NOL4: variants seen among roughly 807,000 people sequenced by gnomAD.
The protein encoded by NOL4 is cancer/testis antigen 125.
A neutral mutation model predicts 75.9 loss-of-function variants in NOL4; 17 were observed. The observed-to-expected ratio is 0.22, with a 90% CI of 0.15 to 0.34. NOL4 has a LOEUF of 0.34. NOL4 is among the 10% of genes least tolerant of loss of function. The pLI, the probability that NOL4 is intolerant of heterozygous loss-of-function variation, is 1.00. For synonymous variants in NOL4, 292 were observed against 289.9 expected (o/e 1.01, Z -0.07); for missense variants, 614 against 793.5 (o/e 0.77, Z 2.72).
chr18:34,072,924 A>C (rs868754757), intron 5 of NOL4, among the ~76,000 whole-genome samples: 25 of 152,284 alleles, frequency 1.6e-4, no homozygotes, highest in Non-Finnish European at 3.2e-4. Context: ...GTATCAAAAC[A>C]TGTGTAAGGA....
chr18:34,213,285 TATTTA>T (rs1372599547), intron 1 of NOL4, among the ~76,000 whole-genome samples: 1 of 152,078 alleles, frequency 6.6e-6, no homozygotes, highest in African/African-American at 2.4e-5. Flanking sequence ...CTTATTTACT[TATTTA>T]TTTTTATTTT....
At chr18:34,136,550 AAATG>A (rs2080900409) in intron 1 of NOL4, among the ~76,000 whole-genome samples, 1 of 152,154 alleles carries the variant, frequency 6.6e-6, no homozygotes, top group Admixed American at 6.5e-5. Context: ...AACAATCTGA[AAATG>A]AAGGGGGAAA....
At chr18:34,190,107 C>T (rs1331933420) in intron 1 of NOL4, among the ~76,000 whole-genome samples, 1 of 151,228 alleles carries the variant, frequency 6.6e-6, no homozygotes, top group African/African-American at 2.4e-5. Context: ...TGTATTAGAT[C>T]TTTTGCATAT....
intron 6 of NOL4, among the ~76,000 whole-genome samples, chr18:33,975,644 G>A (rs1039502681): frequency 2.0e-5 from 3 of 152,096 alleles, no homozygotes; most frequent in Non-Finnish European, 4.4e-5. Context: ...GCATGGTGGC[G>A]GGTACCTGTA....
intron 2 of NOL4, chr18:34,128,843 A>C: frequency 1.0e-6 from 1 of 974,880 alleles, no homozygotes; most frequent in African/African-American, 1.7e-5. Context: ...TTTCAAACAT[A>C]GGTACCTGTA....
chr18:33,933,035 C>T lies in NOL4; in HGVS notation c.1542+10030G>A, dbSNP rs144438630. 2.4e-3 allele frequency among the ~76,000 whole-genome samples: 372 copies of T among 152,112 alleles called. 1 individual carries two copies. Among genetic ancestry groups the T allele is most frequent in the Middle Eastern group, 0.014 (4 of 294 alleles). On this transcript the variant is annotated intron_variant, in intron 9 of 10. Transcript: ENST00000261592. ...ATAGAACATAGTCCAAGAACTACCC[C>T]GATGGTCCAGACATACCTCAGAGAT...
At chr18:34,099,101 A>G (rs1445276587) in intron 4 of NOL4, among the ~76,000 whole-genome samples, 2 of 151,864 alleles carry the variant, frequency 1.3e-5, no homozygotes, top group African/African-American at 4.8e-5. Flanking sequence ...GCACCCTCAC[A>G]CCTGTAATCC....
chr18:34,117,365 T>C (rs1000352133), intron 2 of NOL4, among the ~76,000 whole-genome samples: 6 of 152,188 alleles, frequency 3.9e-5, no homozygotes, highest in Admixed American at 2.0e-4. Flanking sequence ...GTTATCAGTA[T>C]TGAAAAAAGA....
At chr18:33,938,902 G>A (rs1293380986) in intron 9 of NOL4, among the ~76,000 whole-genome samples, 4 of 152,034 alleles carry the variant, frequency 2.6e-5, no homozygotes, top group Non-Finnish European at 5.9e-5. Flanking sequence ...GGGTTTTTAT[G>A]GTTTTAGGTC....
At chr18:34,053,601 T>TTCCTAAGACCCTC (rs1428919858) in intron 5 of NOL4, among the ~76,000 whole-genome samples, 1 of 151,944 alleles carries the variant, frequency 6.6e-6, no homozygotes, top group Non-Finnish European at 1.5e-5. Context: ...ACCCTCTCTA[T>TTCCTAAGACCCTC]TATCACTCTA....
rs535339141 is a variant in NOL4 at position 34,020,915 on chromosome 18, A to C, written c.773-1314T>G. On this transcript the variant is annotated intron_variant, in intron 5 of 10. Transcript: ENST00000261592. ...TAAAAGCTAGTAGTGAAATCATATA[A>C]ATATGGCTGAGCAAAAGAAATATTA... Among the ~76,000 whole-genome samples, 73 of 152,342 alleles carry C rather than the reference A, an allele frequency of 4.8e-4. 1 individual carries two copies. In the South Asian group the frequency reaches 0.014, roughly 29 times the overall value.
chr18:33,892,862 T>A (rs1024439933), intron 9 of NOL4, among the ~76,000 whole-genome samples: 25 of 151,984 alleles, frequency 1.6e-4, no homozygotes, highest in African/African-American at 5.6e-4. Flanking sequence ...ACTGTCTCAC[T>A]ATGTTGCCCC....
intron 5 of NOL4, among the ~76,000 whole-genome samples, chr18:34,089,134 T>G (rs976393819): frequency 3.3e-5 from 5 of 152,136 alleles, no homozygotes; most frequent in African/African-American, 7.2e-5. Context: ...TAAAAAAAGT[T>G]ATTTTACTCT....
At chr18:33,919,201 A>G (rs2066893796) in intron 9 of NOL4, among the ~76,000 whole-genome samples, 1 of 152,164 alleles carries the variant, frequency 6.6e-6, no homozygotes, top group Admixed American at 6.5e-5. Context: ...TTGCTATAGC[A>G]CAGCTCCCGG....
At chr18:34,173,399 G>GCACA (rs977664092) in intron 1 of NOL4, among the ~76,000 whole-genome samples, 3 of 152,096 alleles carry the variant, frequency 2.0e-5, no homozygotes, top group African/African-American at 7.2e-5. Flanking sequence ...CCTACCATAT[G>GCACA]CACACATACA....
chr18:34,055,882 A>G (rs1371442392), intron 5 of NOL4, among the ~76,000 whole-genome samples: 1 of 151,952 alleles, frequency 6.6e-6, no homozygotes, highest in Non-Finnish European at 1.5e-5. Context: ...TGCCTGATCA[A>G]GTTTGCTATT....
At chr18:34,162,973 G>C (rs773927199) in intron 1 of NOL4, among the ~76,000 whole-genome samples, 57 of 152,270 alleles carry the variant, frequency 3.7e-4, no homozygotes, top group Non-Finnish European at 6.8e-4. Context: ...CATATAAACA[G>C]AACCTAAGAC....
chr18:34,156,166 C>T (rs4420603), intron 1 of NOL4, among the ~76,000 whole-genome samples: 76,471 of 151,928 alleles, frequency 0.5, 19,318 homozygotes, highest in Admixed American at 0.57. Flanking sequence ...AAAATGTTTA[C>T]CAGAGTAAGA....
chr18:34,109,818 TG>T (rs1002140630), intron 2 of NOL4, among the ~76,000 whole-genome samples: 1 of 151,470 alleles, frequency 6.6e-6, no homozygotes, highest in Admixed American at 6.6e-5. Flanking sequence ...TATAATTAAA[TG>T]AAGAGATATT....
Sources: gnomAD v4.1 joint callset for allele counts (sites outside exome capture counted in the v4.1 genomes callset) on GRCh38, gnomAD v4.1.1 for gene constraint, MANE v1.5 for transcripts, NCBI Gene and HGNC (gene_info 2026-07-23, HGNC 2026-07-21) for gene names.